The following SH2D4B variants were observed in gnomAD, a reference collection of about 807,000 sequenced individuals.
SH2D4B encodes SH2 domain containing 4B.
In SH2D4B, 45 loss-of-function variants were observed where a neutral mutation model predicts 61.5. The observed-to-expected ratio is 0.73, with a 90% CI of 0.58 to 0.94. The LOEUF is 0.94. Ranked by LOEUF, SH2D4B falls within the 40% of genes least tolerant of loss-of-function variation. SH2D4B has a pLI of 0.00. For synonymous variants in SH2D4B, 224 were observed against 220.4 expected, an observed-to-expected ratio of 1.02 and a Z score of -0.14; for missense variants, 572 against 574.2, an observed-to-expected ratio of 1.00 and a Z score of 0.04.
intron 6 of SH2D4B, among the ~76,000 whole-genome samples, chr10:80,619,493 C>G (rs1842694256): frequency 6.6e-6 from 1 of 152,218 alleles, no homozygotes; most frequent in Admixed American, 6.5e-5. Context: ...CCAAATGTGT[C>G]TCTCCTGAAG....
intron 7 of SH2D4B, 49 bp from the exon 8 acceptor site, chr10:80,643,944 A>T (rs1467977783): frequency 1.4e-6 from 2 of 1,457,108 alleles, no homozygotes; most frequent in African/African-American, 2.8e-5. Context: ...ATAGATGTGT[A>T]TTTCCCTGTC....
intron 7 of SH2D4B, 44 bp downstream of exon 7, chr10:80,634,549 G>C: frequency 1.3e-6 from 2 of 1,542,096 alleles, no homozygotes; most frequent in Non-Finnish European, 1.7e-6. Context: ...GGGAACTGGT[G>C]GAAATTGGAG....
At chr10:80,563,262 T>C (rs1564769141) in intron 1 of SH2D4B, among the ~76,000 whole-genome samples, 1 of 152,252 alleles carries the variant, frequency 6.6e-6, no homozygotes, top group Non-Finnish European at 1.5e-5. Flanking sequence ...GAGAAATATC[T>C]ATTCTAGTCT....
intron 1 of SH2D4B, among the ~76,000 whole-genome samples, chr10:80,560,693 C>CTTTTTTTT (rs58963330): frequency 1.7e-5 from 1 of 58,844 alleles, no homozygotes; most frequent in African/African-American, 7.4e-5. Flanking sequence ...CCTGGCCAAG[C>CTTTTTTTT]TTTTTTTTTT....
At chr10:80,608,756 C>T (rs189769452) in intron 5 of SH2D4B, among the ~76,000 whole-genome samples, 256 of 151,748 alleles carry the variant, frequency 1.7e-3, no homozygotes, top group African/African-American at 6.1e-3. Flanking sequence ...TTGTTTCCTT[C>T]CGCCTCCGTA....
chr10:80,609,288 C>A, intron 5 of SH2D4B, 136 bp from the exon 6 acceptor site: 1 of 769,016 alleles, frequency 1.3e-6, no homozygotes, highest in Non-Finnish European at 2.0e-6. Flanking sequence ...CCTCCCCTGC[C>A]CCTTCTTCCA....
In SH2D4B at chr10:80,539,674, C is replaced by T. The variant is rs1269784430; in HGVS notation, c.184+1159C>T. Among the ~76,000 whole-genome samples, 1 of 152,170 alleles carries T rather than the reference C, an allele frequency of 6.6e-6. No homozygotes were observed. The highest frequency in any genetic ancestry group is 1.9e-4 in the East Asian group (1 of 5,188). On this transcript the variant is annotated intron_variant, in intron 1 of 7. Coordinates refer to ENST00000646907, the MANE Select transcript of SH2D4B (RefSeq NM_001388272.1). The surrounding 1 kb of genome is among the most constrained non-coding windows in gnomAD (Gnocchi z 4.9). The stretch of plus-strand genomic sequence containing the variant: ...CTGGCATGTAGGACCCACGCCTGCC[C>T]TGGCATTTGCCACCCTGTCATTGTC...
chr10:80,606,976 C>T (rs908706796), intron 5 of SH2D4B, among the ~76,000 whole-genome samples: 2 of 152,020 alleles, frequency 1.3e-5, no homozygotes, highest in East Asian at 1.9e-4. Context: ...AAAGTGACTC[C>T]TTTGAAGGGT....
intron 1 of SH2D4B, among the ~76,000 whole-genome samples, chr10:80,553,506 G>A (rs772846084): frequency 1.3e-5 from 2 of 152,210 alleles, no homozygotes; most frequent in African/African-American, 2.4e-5. Flanking sequence ...GAGGTGGGGC[G>A]TTGTGGATTT....
At chr10:80,596,740 A>G (rs1842389193) in intron 4 of SH2D4B, among the ~76,000 whole-genome samples, 1 of 152,206 alleles carries the variant, frequency 6.6e-6, no homozygotes, top group Non-Finnish European at 1.5e-5. Flanking sequence ...AAATAACAGA[A>G]TAAAGGCAGA....
At chr10:80,626,013 T>G (rs972770253) in intron 6 of SH2D4B, among the ~76,000 whole-genome samples, 2 of 152,234 alleles carry the variant, frequency 1.3e-5, no homozygotes, top group Non-Finnish European at 2.9e-5. Flanking sequence ...TAAGATATTG[T>G]CTAGTATTAT....
At chr10:80,613,494 A>G (rs1256578264) in intron 6 of SH2D4B, among the ~76,000 whole-genome samples, 5 of 152,232 alleles carry the variant, frequency 3.3e-5, no homozygotes, top group African/African-American at 7.2e-5. Context: ...CTGCTTGCCC[A>G]TAGGGCTTGG....
intron 7 of SH2D4B, among the ~76,000 whole-genome samples, chr10:80,637,173 G>A (rs1237455571): frequency 6.6e-6 from 1 of 152,164 alleles, no homozygotes; most frequent in African/African-American, 2.4e-5. Flanking sequence ...CCAGTACCAT[G>A]CTGTTTTGGT....
intron 1 of SH2D4B, among the ~76,000 whole-genome samples, chr10:80,543,344 G>T (rs1204821369): frequency 1.3e-5 from 2 of 152,108 alleles, no homozygotes; most frequent in Admixed American, 6.5e-5. Context: ...ACTCGGAGCG[G>T]CCGGCCACCT....
Position 80,606,792 on chromosome 10 carries a change from CTT to C in SH2D4B, c.861-2630_861-2629del, listed in dbSNP as rs553834470. Among the ~76,000 whole-genome samples the C allele has an allele frequency of 7.9e-3, 1,196 of 152,272 alleles. 17 individuals are homozygous for C. Among genetic ancestry groups the C allele is most frequent in the African/African-American group, 0.027 (1,142 of 41,542 alleles). The stretch of plus-strand genomic sequence containing the variant: ...GCCCTACTCTTTACTGCTGGTATGA[CTT>C]TGGCTAGTAATTTCAGTGCCAGTAT... On this transcript the variant is annotated intron_variant, in intron 5 of 7. Transcript: ENST00000646907.
intron 2 of SH2D4B, 53 bp from the exon 3 acceptor site, chr10:80,571,378 G>T (rs1842039970): frequency 6.4e-7 from 1 of 1,568,056 alleles, no homozygotes; most frequent in Non-Finnish European, 8.7e-7. Context: ...TCTATTGTTA[G>T]GTGGTCCTTC....
At chr10:80,566,334 T>C (rs143691481) in intron 1 of SH2D4B, among the ~76,000 whole-genome samples, 7,346 of 149,736 alleles carry the variant, frequency 0.049, 584 homozygotes, top group African/African-American at 0.17. Context: ...CTCACTCTGT[T>C]TCCCAGGCTG....
At chr10:80,634,613 G>A in intron 7 of SH2D4B, 108 bp downstream of exon 7, 1 of 1,457,180 alleles carries the variant, frequency 6.9e-7, no homozygotes, top group Non-Finnish European at 9.1e-7. Context: ...GGGCAGTGGG[G>A]CTGGAGGGTC....
At chr10:80,618,255 T>TCAGTATTATA (rs1379994760) in intron 6 of SH2D4B, among the ~76,000 whole-genome samples, 31 of 152,218 alleles carry the variant, frequency 2.0e-4, no homozygotes, top group African/African-American at 6.7e-4. Flanking sequence ...CCAATGGAGG[T>TCAGTATTATA]CAGTATTATA....
Sources: allele counts gnomAD v4.1 joint callset (sites outside exome capture counted in the v4.1 genomes callset), GRCh38; gene constraint gnomAD v4.1.1; non-coding constraint Gnocchi (gnomAD v3.1); transcripts MANE v1.5; gene names NCBI Gene and HGNC (gene_info 2026-07-23, HGNC 2026-07-21).